Variants in CPE observed in about 807,000 individuals in gnomAD.
CPE encodes the protein carbocypeptidase E.
A neutral mutation model predicts 53.5 loss-of-function variants in CPE; 17 were observed. The ratio of observed to expected loss-of-function variants is 0.32; its 90% CI spans 0.22 to 0.48. CPE has a LOEUF of 0.48. Ranked by LOEUF, CPE falls within the 20% of genes least tolerant of loss-of-function variation. CPE has a pLI of 0.99. For synonymous variants in CPE, 226 were observed against 228.8 expected, an observed-to-expected ratio of 0.99 and a Z score of 0.11; for missense variants, 524 against 614.7, an observed-to-expected ratio of 0.85 and a Z score of 1.56.
At chr4:165,391,455 A>G (rs1386609251) in intron 1 of CPE, among the ~76,000 whole-genome samples, 2 of 152,146 alleles carry the variant, frequency 1.3e-5, no homozygotes, top group African/African-American at 2.4e-5. Flanking sequence ...AGACCAAGGT[A>G]GTAAGAATAC....
chr4:165,443,366 T>G (rs1385159203), intron 1 of CPE, among the ~76,000 whole-genome samples: 1 of 152,240 alleles, frequency 6.6e-6, no homozygotes, highest in African/African-American at 2.4e-5. Flanking sequence ...TTTAATAGAT[T>G]ATTTCATCTT....
chr4:165,386,140 A>T (rs909741181), intron 1 of CPE: 1 of 458,166 alleles, frequency 2.2e-6, no homozygotes, highest in Non-Finnish European at 4.3e-6. Context: ...TGAAATGACA[A>T]TAATGTGATG....
intron 1 of CPE, among the ~76,000 whole-genome samples, chr4:165,395,354 T>C (rs143360503): frequency 1.3e-4 from 20 of 152,330 alleles, no homozygotes; most frequent in African/African-American, 4.8e-4. Context: ...TGCATAGAGC[T>C]AACCTTTGGG....
chr4:165,388,180 C>A (rs990747990), intron 1 of CPE, among the ~76,000 whole-genome samples: 20 of 152,308 alleles, frequency 1.3e-4, no homozygotes, highest in Middle Eastern at 3.4e-3. Flanking sequence ...TAGAACTCTG[C>A]TCAAAATTTG....
chr4:165,434,746 G>A (rs1731467643), intron 1 of CPE, among the ~76,000 whole-genome samples: 1 of 152,140 alleles, frequency 6.6e-6, no homozygotes, highest in South Asian at 2.1e-4. Context: ...TGGTAGTTGA[G>A]TGCGTGATAA....
At chr4:165,497,172 G>A (rs1453418449) in intron 8 of CPE, among the ~76,000 whole-genome samples, 1 of 152,022 alleles carries the variant, frequency 6.6e-6, no homozygotes, top group African/African-American at 2.4e-5. Flanking sequence ...TGCCCACCTC[G>A]ACCTCCCAAA....
chr4:165,422,045 G>T lies in CPE; in HGVS notation c.308-42345G>T, dbSNP rs144660746. On this transcript the variant is annotated intron_variant, in intron 1 of 8. Transcript: ENST00000402744. Reference sequence around the variant, plus strand: ...GGATTCAAAGTACATATTAACATAAGAAAAGATCTGAGAAGTTTTAAAATA... The same window carrying T: ...GGATTCAAAGTACATATTAACATAATAAAAGATCTGAGAAGTTTTAAAATA... Among the ~76,000 whole-genome samples the T allele has an allele frequency of 3.6e-3, 542 of 152,216 alleles. 3 individuals are homozygous for T. Among genetic ancestry groups the T allele is most frequent in the African/African-American group, 0.012 (506 of 41,560 alleles).
intron 1 of CPE, among the ~76,000 whole-genome samples, chr4:165,432,122 T>G (rs1731418739): frequency 6.6e-6 from 1 of 152,144 alleles, no homozygotes; most frequent in Admixed American, 6.5e-5. Context: ...TTTCAAGTAC[T>G]CAGAAAATGA....
At chr4:165,391,527 A>G (rs1005738971) in intron 1 of CPE, among the ~76,000 whole-genome samples, 7 of 152,174 alleles carry the variant, frequency 4.6e-5, no homozygotes, top group Admixed American at 4.6e-4. Flanking sequence ...TGGACAGATC[A>G]CTGAGAAAAA....
Position 165,464,596 on chromosome 4 carries a change from A to T in CPE, c.504+10A>T. On this transcript the variant is annotated intron_variant, in intron 2 of 8. Transcript: ENST00000402744. ...GAAGGCAGCGTCTCAGGTGAGTGCC[A>T]GGCAGCTCAGATCAGGCGTGCTTTC... The T allele has an allele frequency of 6.3e-7, 1 of 1,598,992 alleles. No homozygotes were observed. The highest frequency in any genetic ancestry group is 8.5e-7 in the Non-Finnish European group (1 of 1,172,174).
At chr4:165,474,350 TTTAAGC>T (rs1295615885) in intron 3 of CPE, among the ~76,000 whole-genome samples, 1 of 152,202 alleles carries the variant, frequency 6.6e-6, no homozygotes, top group Non-Finnish European at 1.5e-5. Flanking sequence ...TTTGTTTTGT[TTTAAGC>T]TTTGGGGGAG....
At chr4:165,492,249 C>T (rs990587416) in intron 6 of CPE, among the ~76,000 whole-genome samples, 3 of 152,092 alleles carry the variant, frequency 2.0e-5, no homozygotes, top group African/African-American at 7.2e-5. Context: ...TATTTTCAGC[C>T]AAAATAATGT....
intron 1 of CPE, among the ~76,000 whole-genome samples, chr4:165,444,992 T>TGTC (rs1731681636): frequency 6.6e-6 from 1 of 152,224 alleles, no homozygotes; most frequent in South Asian, 2.1e-4. Context: ...AGTCTTGCTC[T>TGTC]GTCACCTAAG....
chr4:165,391,715 T>C (rs976703871), intron 1 of CPE, among the ~76,000 whole-genome samples: 6 of 152,130 alleles, frequency 3.9e-5, no homozygotes, highest in Non-Finnish European at 7.4e-5. Flanking sequence ...CAATAATAAC[T>C]AAGTGCCTCC....
intron 3 of CPE, among the ~76,000 whole-genome samples, chr4:165,468,765 T>A (rs1229307238): frequency 6.6e-6 from 1 of 152,196 alleles, no homozygotes; most frequent in African/African-American, 2.4e-5. Context: ...AACTCTATTC[T>A]ATCTTCTCAA....
chr4:165,492,627 T>C lies in CPE; in HGVS notation c.1114-544T>C, dbSNP rs1732627983. The stretch of plus-strand genomic sequence containing the variant: ...GACCGCATGAGAGGGTCGTGATCAA[T>C]TGAGCAAGCAGGGGGTACGTGACTG... On this transcript the variant is annotated intron_variant, in intron 6 of 8. Transcript: ENST00000402744. Among the ~76,000 whole-genome samples the C allele has an allele frequency of 2.0e-5, 3 of 152,092 alleles. No homozygotes were observed. In the South Asian group the frequency reaches 6.2e-4, roughly 32 times the overall value.
At chr4:165,479,166 T>C (rs1463402796) in intron 3 of CPE, among the ~76,000 whole-genome samples, 1 of 152,206 alleles carries the variant, frequency 6.6e-6, no homozygotes, top group Non-Finnish European at 1.5e-5. Flanking sequence ...ATAATATTCA[T>C]GTCATGTTAG....
intron 1 of CPE, among the ~76,000 whole-genome samples, chr4:165,414,566 T>C (rs1219863484): frequency 1.5e-5 from 2 of 137,244 alleles, no homozygotes; most frequent in Non-Finnish European, 3.1e-5. Flanking sequence ...CAGTATTCTC[T>C]TGTAGGCCAC....
intron 1 of CPE, among the ~76,000 whole-genome samples, chr4:165,452,388 AT>A (rs1212974567): frequency 1.3e-5 from 2 of 152,210 alleles, no homozygotes; most frequent in African/African-American, 2.4e-5. Context: ...ATGTATCAAA[AT>A]ATCACATGTA....
Sources: allele counts gnomAD v4.1 joint callset (sites outside exome capture counted in the v4.1 genomes callset), GRCh38; gene constraint gnomAD v4.1.1; transcripts MANE v1.5; gene names NCBI Gene and HGNC (gene_info 2026-07-23, HGNC 2026-07-21).